The following GPD2 variants were observed in gnomAD, a reference collection of about 807,000 sequenced individuals.
GPD2 encodes glycerol-3-phosphate dehydrogenase 2, also known as glycerol-3-phosphate dehydrogenase, mitochondrial.
In GPD2, 54 loss-of-function variants were observed where a neutral mutation model predicts 82.4. The observed-to-expected ratio is 0.66, with a 90% CI of 0.53 to 0.82. The LOEUF is 0.82. Among genes scored for constraint, GPD2 ranks in the 40% least tolerant of loss-of-function variants. GPD2 has a pLI of 0.00. For missense variants in GPD2, 748 were observed against 896.2 expected, an observed-to-expected ratio of 0.83 and a Z score of 2.11; for synonymous variants, 288 against 306.1, an observed-to-expected ratio of 0.94 and a Z score of 0.62.
the GPD2 span, among the ~76,000 whole-genome samples, chr2:156,422,654 C>T: frequency 6.6e-6 from 1 of 151,870 alleles, no homozygotes; most frequent in Non-Finnish European, 1.5e-5. Flanking sequence ...CCCACTTGAA[C>T]TCAGGAGGCG....
chr2:156,466,173 A>G (rs2105184339), intron 1 of GPD2, among the ~76,000 whole-genome samples: 1 of 152,364 alleles, frequency 6.6e-6, no homozygotes, highest in South Asian at 2.1e-4. Flanking sequence ...TTAATGGAAT[A>G]TTAAAGATAG....
At chr2:156,474,501 C>A (rs1683436898) in intron 1 of GPD2, among the ~76,000 whole-genome samples, 2 of 152,054 alleles carry the variant, frequency 1.3e-5, no homozygotes, top group South Asian at 4.1e-4. Context: ...AGTGCTCCAC[C>A]CCTACAAGGA....
chr2:156,558,135 A>G (rs942407326), intron 9 of GPD2, among the ~76,000 whole-genome samples: 6 of 152,288 alleles, frequency 3.9e-5, no homozygotes, highest in Admixed American at 6.5e-5. Flanking sequence ...TGACTGTCAG[A>G]GCATTTTCCT....
chr2:156,461,853 A>C (rs1439665216), intron 1 of GPD2, among the ~76,000 whole-genome samples: 1 of 152,228 alleles, frequency 6.6e-6, no homozygotes, highest in Non-Finnish European at 1.5e-5. Flanking sequence ...CCAGGTATTC[A>C]GTCAATCCCA....
At chr2:156,420,189 T>A in the GPD2 span, among the ~76,000 whole-genome samples, 2 of 152,192 alleles carry the variant, frequency 1.3e-5, no homozygotes, top group Non-Finnish European at 2.9e-5. Context: ...CTTTCCTTTT[T>A]TTTTCTTTTT....
Position 156,579,143 on chromosome 2 carries a change from T to G in GPD2, c.1938T>G (p.Val646=). The G allele has an allele frequency of 6.2e-7, 1 of 1,603,286 alleles. No individual in the cohort carries two copies. The highest frequency in any genetic ancestry group is 1.1e-5 in the South Asian group (1 of 90,862). ...DADQKGFITI[V]DVQRVLESIN... ...ACCAGAAAGGCTTTATTACCATTGT[T>G]GATGTTCAGCGTGTATTAGAGGTAA... The change falls in exon 15 of 17, where the codon GTT becomes GTG. Residue 646 remains valine, a synonymous_variant. Transcript: ENST00000438166.
chr2:156,426,365 C>A, the GPD2 span, among the ~76,000 whole-genome samples: 39 of 152,104 alleles, frequency 2.6e-4, no homozygotes, highest in African/African-American at 8.7e-4. Context: ...GAAGAAGTGC[C>A]CAGCAAAGGG....
chr2:156,403,959 A>G, the GPD2 span, among the ~76,000 whole-genome samples: 1 of 152,236 alleles, frequency 6.6e-6, no homozygotes, highest in Non-Finnish European at 1.5e-5. Flanking sequence ...TGGGTTGTCC[A>G]GAAGAAAGAG....
the GPD2 span, among the ~76,000 whole-genome samples, chr2:156,420,447 A>G: frequency 5.3e-5 from 8 of 152,190 alleles, no homozygotes; most frequent in Non-Finnish European, 7.4e-5. Flanking sequence ...CCGGGATTAC[A>G]GGCATAAGTC....
chr2:156,496,429 A>G (rs1206474119), intron 3 of GPD2, among the ~76,000 whole-genome samples: 2 of 150,910 alleles, frequency 1.3e-5, no homozygotes, highest in Non-Finnish European at 2.9e-5. Context: ...GTTCCCCTCC[A>G]TGTGTCCATG....
intron 1 of GPD2, among the ~76,000 whole-genome samples, chr2:156,467,087 C>T (rs983344010): frequency 2.5e-4 from 38 of 152,038 alleles, no homozygotes; most frequent in African/African-American, 8.9e-4. Context: ...TTCGCTTTCT[C>T]TTTGTTTCAT....
intron 2 of GPD2, among the ~76,000 whole-genome samples, chr2:156,485,783 A>G (rs1251791890): frequency 2.0e-5 from 3 of 152,176 alleles, no homozygotes; most frequent in South Asian, 2.1e-4. Context: ...ACTCCACTGT[A>G]TGGGAGTGTT....
At chr2:156,578,528 T>C (rs1330197882) in intron 13 of GPD2, among the ~76,000 whole-genome samples, 2 of 152,158 alleles carry the variant, frequency 1.3e-5, no homozygotes, top group African/African-American at 4.8e-5. Flanking sequence ...GTGAAAGCAG[T>C]CAAACACAAA....
intron 1 of GPD2, among the ~76,000 whole-genome samples, chr2:156,459,823 T>C (rs1682930382): frequency 6.6e-6 from 1 of 151,514 alleles, no homozygotes; most frequent in Admixed American, 6.6e-5. Context: ...GACTGACATC[T>C]CAGGTTGCTG....
At chr2:156,449,718 A>G (rs1273216715) in intron 1 of GPD2, among the ~76,000 whole-genome samples, 2 of 152,160 alleles carry the variant, frequency 1.3e-5, no homozygotes, top group African/African-American at 4.8e-5. Flanking sequence ...TATTAAAGAT[A>G]GAAAAAAGTG....
chr2:156,533,538 T>A lies in GPD2; in HGVS notation c.662-16070T>A, dbSNP rs889724540. Among the ~76,000 whole-genome samples the A allele has an allele frequency of 1.2e-4, 18 of 152,278 alleles. No individual in the cohort carries two copies. In the East Asian group the frequency reaches 2.7e-3, roughly 23 times the overall value. On this transcript the variant is annotated intron_variant, in intron 6 of 16. Transcript: ENST00000438166. ...ATCTTATTAGCTCTAGATAGTTTTT[T>A]AAAAATCTGCTCTCCAGAAATTTGC...
At chr2:156,499,155 T>G (rs1684495832) in intron 3 of GPD2, among the ~76,000 whole-genome samples, 1 of 152,156 alleles carries the variant, frequency 6.6e-6, no homozygotes. Flanking sequence ...GATGTTCTAC[T>G]TATGGGTGGG....
At chr2:156,543,824 ATTAT>A (rs1396400408) in intron 6 of GPD2, among the ~76,000 whole-genome samples, 1 of 152,166 alleles carries the variant, frequency 6.6e-6, no homozygotes, top group Non-Finnish European at 1.5e-5. Flanking sequence ...TGTTGGAATC[ATTAT>A]TTATTCCCTT....
the GPD2 span, among the ~76,000 whole-genome samples, chr2:156,406,305 T>C: frequency 1.3e-5 from 2 of 152,236 alleles, no homozygotes; most frequent in Non-Finnish European, 2.9e-5. Flanking sequence ...ATGTTGAGAA[T>C]GCAGCAATTT....
Sources: gnomAD v4.1 joint callset for allele counts (sites outside exome capture counted in the v4.1 genomes callset) on GRCh38, gnomAD v4.1.1 for gene constraint, MANE v1.5 for transcripts, NCBI Gene and HGNC (gene_info 2026-07-23, HGNC 2026-07-21) for gene names.